Variants in KLHL24 observed in about 807,000 individuals in gnomAD.
KLHL24 encodes kelch like family member 24, also known as kelch-like protein 24.
KLHL24 carries 29 observed loss-of-function variants against 53.4 expected under a neutral mutation model. That is an observed-to-expected ratio of 0.54 (90% CI 0.40 to 0.74). The LOEUF (loss-of-function observed/expected upper bound fraction) is 0.74, where lower values mean the gene tolerates loss of function less well. KLHL24 is among the 30% of genes least tolerant of loss of function. KLHL24 has a pLI of 0.00. For missense variants in KLHL24, 504 were observed against 744.0 expected (o/e 0.68, Z 3.75); for synonymous variants, 222 against 253.7 (o/e 0.88, Z 1.19).
At chr3:183,667,719 T>C (rs771493500) in intron 5 of KLHL24, among the ~76,000 whole-genome samples, 1 of 151,982 alleles carries the variant, frequency 6.6e-6, no homozygotes, top group Non-Finnish European at 1.5e-5. Flanking sequence ...AAACAGTTTA[T>C]ATATTTTTAT....
At chr3:183,641,561 A>T (rs977804986) in intron 1 of KLHL24, among the ~76,000 whole-genome samples, 2 of 134,034 alleles carry the variant, frequency 1.5e-5, no homozygotes, top group Non-Finnish European at 3.1e-5. Flanking sequence ...TTTCAAGATA[A>T]ACCTCTTGGT....
chr3:183,663,133 T>C lies in KLHL24; in HGVS notation c.921-325T>C, dbSNP rs1576945054. The stretch of plus-strand genomic sequence containing the variant: ...ATGCGTATCTGAATCACTGCAAAAC[T>C]GCATTTGAAAGTCATCCTTAATATT... On this transcript the variant is annotated intron_variant, in intron 3 of 7. Coordinates refer to ENST00000242810, the MANE Select transcript of KLHL24 (RefSeq NM_017644.3). This position sits in a 1 kb window ranked among gnomAD's most constrained non-coding sequence, Gnocchi z 4.9. Among the ~76,000 whole-genome samples, 2 of 152,186 alleles carry C rather than the reference T, an allele frequency of 1.3e-5. No homozygotes were observed. Among genetic ancestry groups the C allele is most frequent in the Non-Finnish European group, 2.9e-5 (2 of 68,038 alleles).
intron 3 of KLHL24, among the ~76,000 whole-genome samples, chr3:183,659,302 C>T (rs139835633): frequency 1.9e-3 from 283 of 152,148 alleles, no homozygotes; most frequent in Non-Finnish European, 3.2e-3. Flanking sequence ...TTTGGGAGGC[C>T]GAGATGGGTG....
chr3:183,647,581 C>T (rs560502920), intron 2 of KLHL24, among the ~76,000 whole-genome samples: 29 of 152,028 alleles, frequency 1.9e-4, no homozygotes, highest in Middle Eastern at 3.4e-3. Flanking sequence ...CGTGCTGGCG[C>T]GTGCCTGTAG....
intron 3 of KLHL24, among the ~76,000 whole-genome samples, chr3:183,659,659 C>G (rs1168380897): frequency 6.6e-6 from 1 of 152,240 alleles, no homozygotes; most frequent in Non-Finnish European, 1.5e-5. Flanking sequence ...TTCTCTCTAC[C>G]TCTTGCCTCT....
chr3:183,646,944 G>T (rs1717343547), intron 2 of KLHL24, among the ~76,000 whole-genome samples: 2 of 151,156 alleles, frequency 1.3e-5, no homozygotes, highest in Admixed American at 1.3e-4. Flanking sequence ...CAAGTAGCTG[G>T]GACTACAGGC....
rs1333206730 is a variant in KLHL24, at chr3:183,679,525, T to G, written c.*239T>G. ...TGGTTGTTACTTGGCCTTTGAAGAG[T>G]GTACCTTTGTAAGTATTTGTAAGAA... is the stretch of plus-strand genomic sequence containing the variant. On this transcript the variant is annotated 3_prime_UTR_variant, in exon 8 of 8. Coordinates refer to ENST00000242810, the MANE Select transcript of KLHL24 (RefSeq NM_017644.3). 4.4e-6 allele frequency: 2 copies of G among 458,556 alleles called. No individual in the cohort carries two copies. Among genetic ancestry groups the G allele is most frequent in the Non-Finnish European group, 7.8e-6 (2 of 257,060 alleles). The allele number at this position is 458,556 out of a possible 1,614,324, so 28.4% of individuals were successfully genotyped here.
intron 3 of KLHL24, among the ~76,000 whole-genome samples, chr3:183,660,378 CCT>C (rs1299171556): frequency 2.0e-5 from 3 of 151,922 alleles, no homozygotes; most frequent in African/African-American, 7.2e-5. Context: ...TGATCCTCCC[CCT>C]GTTTTAGCCT....
intron 3 of KLHL24, among the ~76,000 whole-genome samples, chr3:183,662,809 C>T (rs1256964601): frequency 1.3e-5 from 2 of 152,148 alleles, no homozygotes; most frequent in African/African-American, 4.8e-5. Context: ...TTTCCAGATA[C>T]ATTTTTTAGA....
In KLHL24 at chr3:183,656,037, CTTTTTTTT is replaced by C. The variant is rs760140064; in HGVS notation, c.920+4779_920+4786del. 2.2e-3 allele frequency among the ~76,000 whole-genome samples: 199 copies of C among 90,886 alleles called. 4 individuals are homozygous for C. The highest frequency in any genetic ancestry group is 6.0e-3 in the Admixed American group (46 of 7,644). 59.6% of individuals were successfully genotyped at this position (90,886 alleles called of 152,430 possible). ...CCTTTATTCAGAGTGCCCTTAGCAT[CTTTTTTTT>C]TTTTTTTTTTTTTTTTTCTGAGACA... On this transcript the variant is annotated intron_variant, in intron 3 of 7. Coordinates refer to ENST00000242810, the MANE Select transcript of KLHL24 (RefSeq NM_017644.3).
rs767341995 is a variant in KLHL24, at chr3:183,663,420, A to G, written c.921-38A>G. 7 of 1,062,102 alleles carry G rather than the reference A, an allele frequency of 6.6e-6. No individual in the cohort carries two copies. The highest frequency in any genetic ancestry group is 9.1e-6 in the Non-Finnish European group (7 of 767,978). The allele number at this position is 1,062,102 out of a possible 1,614,324, so 65.8% of individuals were successfully genotyped here. On this transcript the variant is annotated intron_variant, in intron 3 of 7. Transcript: ENST00000242810. This position sits in a 1 kb window ranked among gnomAD's most constrained non-coding sequence, Gnocchi z 4.9. The stretch of plus-strand genomic sequence containing the variant: ...CTGGAGTATATTTTAATGTAATATT[A>G]TTATATTATTTATGTACGCTAATAA...
rs754420777 is a variant in KLHL24 at position 183,672,401 on chromosome 3, G to A, written c.1519G>A (p.Ala507Thr). 3 of 1,613,756 alleles carry A rather than the reference G, an allele frequency of 1.9e-6. No individual in the cohort carries two copies. The highest frequency in any genetic ancestry group is 2.5e-6 in the Non-Finnish European group (3 of 1,179,834). ...ATCCCTAAACAACCTGATCTATGTT[G>A]CCGGTGGACTGACCAAGGCAATATA... is the stretch of plus-strand genomic sequence containing the variant. ...AVSLNNLIYV[A>T]GGLTKAIYCY... Residue 507 changes from alanine to threonine, a missense_variant, in exon 7 of 8, where the codon GCC becomes ACC. Ala to Thr is a moderately conservative substitution (Grantham distance 58). Coordinates refer to ENST00000242810, the MANE Select transcript of KLHL24 (RefSeq NM_017644.3).
chr3:183,638,859 G>A (rs4618245), intron 1 of KLHL24, among the ~76,000 whole-genome samples: 50,647 of 151,896 alleles, frequency 0.33, 9,250 homozygotes, highest in African/African-American at 0.49. Context: ...CAGAGTTAAA[G>A]TATTTCAACA....
intron 1 of KLHL24, among the ~76,000 whole-genome samples, chr3:183,636,029 G>A (rs1715075763): frequency 6.6e-6 from 1 of 152,080 alleles, no homozygotes; most frequent in Non-Finnish European, 1.5e-5. Flanking sequence ...CGCGCCTCCT[G>A]GCACTACGGC....
intron 3 of KLHL24, among the ~76,000 whole-genome samples, chr3:183,657,581 A>G (rs1258308319): frequency 6.6e-6 from 1 of 152,174 alleles, no homozygotes; most frequent in Non-Finnish European, 1.5e-5. Flanking sequence ...CCTTCATTCC[A>G]TATTTTGCAG....
chr3:183,637,845 G>A (rs1715596814), intron 1 of KLHL24, among the ~76,000 whole-genome samples: 1 of 152,186 alleles, frequency 6.6e-6, no homozygotes, highest in Non-Finnish European at 1.5e-5. Flanking sequence ...GTTTAGTAGG[G>A]ACGGGGTTTC....
intron 7 of KLHL24, chr3:183,673,024 TAAAATAAAATAAAAC>T (rs1229924441): frequency 6.7e-6 from 1 of 150,276 alleles, no homozygotes; most frequent in Non-Finnish European, 1.5e-5. Flanking sequence ...AAAAATAAAA[TAAAATAAAATAAAAC>T]AAAATAAAAT....
chr3:183,648,009 A>AAAAAGC (rs1340513881), intron 2 of KLHL24, among the ~76,000 whole-genome samples: 5 of 152,222 alleles, frequency 3.3e-5, no homozygotes, highest in Admixed American at 6.5e-5. Context: ...CCCTGTCTCA[A>AAAAAGC]AAAAGCAAAA....
chr3:183,647,401 C>T (rs992037079), intron 2 of KLHL24, among the ~76,000 whole-genome samples: 13 of 149,844 alleles, frequency 8.7e-5, no homozygotes, highest in East Asian at 2.0e-4. Context: ...GGCGACAGAG[C>T]GAGACTCCGT....
Sources: allele counts gnomAD v4.1 joint callset (sites outside exome capture counted in the v4.1 genomes callset), GRCh38; gene constraint gnomAD v4.1.1; non-coding constraint Gnocchi (gnomAD v3.1); transcripts MANE v1.5; gene names NCBI Gene and HGNC (gene_info 2026-07-23, HGNC 2026-07-21).